The following TMEM163 variants were observed in gnomAD, a reference collection of about 807,000 sequenced individuals.
TMEM163 encodes the protein transmembrane protein 163.
A neutral mutation model predicts 29.3 loss-of-function variants in TMEM163; 17 were observed. The ratio of observed to expected loss-of-function variants is 0.58; its 90% CI spans 0.40 to 0.87. The LOEUF (loss-of-function observed/expected upper bound fraction) is 0.87, where lower values mean the gene tolerates loss of function less well. TMEM163 is among the 40% of genes least tolerant of loss of function. TMEM163 has a pLI of 0.00. For synonymous variants in TMEM163, 157 were observed against 160.6 expected (o/e 0.98, Z 0.17); for missense variants, 303 against 381.5 (o/e 0.79, Z 1.71).
chr2:134,560,789 T>A (rs964293941), intron 2 of TMEM163, among the ~76,000 whole-genome samples: 1 of 152,194 alleles, frequency 6.6e-6, no homozygotes. Context: ...AGACTAGCTC[T>A]GTTTCAGTTT....
chr2:134,505,239 CTTTTTTTTTTTT>C (rs78772358), intron 4 of TMEM163, among the ~76,000 whole-genome samples: 2 of 130,234 alleles, frequency 1.5e-5, no homozygotes, highest in Non-Finnish European at 3.2e-5. Context: ...TGGGGAATTC[CTTTTTTTTTTTT>C]TTTTTTTTTT....
intron 5 of TMEM163, among the ~76,000 whole-genome samples, chr2:134,502,474 A>T (rs2106487147): frequency 6.6e-6 from 1 of 152,344 alleles, no homozygotes; most frequent in South Asian, 2.1e-4. Flanking sequence ...ATTGTGCCAG[A>T]AAACCTAACA....
intron 4 of TMEM163, among the ~76,000 whole-genome samples, chr2:134,545,585 A>G (rs1324315276): frequency 6.6e-6 from 1 of 151,818 alleles, no homozygotes; most frequent in East Asian, 1.9e-4. Flanking sequence ...GCACTCACTG[A>G]CGACTCACTG....
At chr2:134,463,564 G>A (rs1231619402) in intron 6 of TMEM163, among the ~76,000 whole-genome samples, 1 of 152,196 alleles carries the variant, frequency 6.6e-6, no homozygotes, top group Non-Finnish European at 1.5e-5. Flanking sequence ...GGGTGACGGA[G>A]ACCCCAGAAG....
At chr2:134,542,273 C>G (rs1396671907) in intron 4 of TMEM163, among the ~76,000 whole-genome samples, 1 of 152,238 alleles carries the variant, frequency 6.6e-6, no homozygotes, top group South Asian at 2.1e-4. Context: ...CACTTGGCAG[C>G]TGTCGTGACC....
chr2:134,485,646 A>G (rs1049893223), intron 5 of TMEM163, among the ~76,000 whole-genome samples: 1 of 152,198 alleles, frequency 6.6e-6, no homozygotes, highest in Admixed American at 6.5e-5. Flanking sequence ...AGGCTCACCC[A>G]GATTATCAAG....
In TMEM163 at chr2:134,460,701, C is replaced by G. The variant is rs990445158; in HGVS notation, c.668-2528G>C. ...AGGCAAAAGCGTGAGGTTCCCCAGACAGCCACTAGATGTCTGCTCAGCTCC... is the reference window on the plus strand; with the variant it reads ...AGGCAAAAGCGTGAGGTTCCCCAGAGAGCCACTAGATGTCTGCTCAGCTCC... On this transcript the variant is annotated intron_variant, in intron 6 of 7. Coordinates refer to ENST00000281924, the MANE Select transcript of TMEM163 (RefSeq NM_030923.5). This position sits in a 1 kb window ranked among gnomAD's most constrained non-coding sequence, Gnocchi z 4.3. 6.6e-6 allele frequency among the ~76,000 whole-genome samples: 1 copy of G among 152,286 alleles called. No individual in the cohort carries two copies. The highest frequency in any genetic ancestry group is 3.4e-3 in the Middle Eastern group (1 of 294).
chr2:134,610,963 C>T (rs932044004), intron 2 of TMEM163, among the ~76,000 whole-genome samples: 1 of 152,030 alleles, frequency 6.6e-6, no homozygotes, highest in African/African-American at 2.4e-5. Flanking sequence ...TTTGAAGAGA[C>T]GGGTCAGCAG....
chr2:134,533,493 C>A (rs1341586095), intron 4 of TMEM163, among the ~76,000 whole-genome samples: 1 of 152,210 alleles, frequency 6.6e-6, no homozygotes, highest in Middle Eastern at 3.2e-3. Context: ...GGAAAACACT[C>A]ACTTTAACAT....
Position 134,620,057 on chromosome 2 carries a change from T to C in TMEM163, c.323-67966A>G, listed in dbSNP as rs558204217. Among the ~76,000 whole-genome samples, 26 of 152,290 alleles carry C rather than the reference T, an allele frequency of 1.7e-4. No individual in the cohort carries two copies. In the East Asian group the frequency reaches 4.8e-3, roughly 28 times the overall value. On this transcript the variant is annotated intron_variant, in intron 2 of 7. Coordinates refer to ENST00000281924, the MANE Select transcript of TMEM163 (RefSeq NM_030923.5). ...TAGAAGAGAAATTCTTTACATCCAGTAACATGGCAATAATCCCCAAACTGA... is the reference window on the plus strand; with the variant it reads ...TAGAAGAGAAATTCTTTACATCCAGCAACATGGCAATAATCCCCAAACTGA...
At chr2:134,531,734 G>T (rs532978575) in intron 4 of TMEM163, among the ~76,000 whole-genome samples, 1 of 152,324 alleles carries the variant, frequency 6.6e-6, no homozygotes, top group African/African-American at 2.4e-5. Flanking sequence ...CCCTCCACGT[G>T]TTCAGGTATC....
chr2:134,493,556 T>A (rs1180568107), intron 5 of TMEM163, among the ~76,000 whole-genome samples: 1 of 151,926 alleles, frequency 6.6e-6, no homozygotes, highest in Non-Finnish European at 1.5e-5. Flanking sequence ...TCATTTTTAG[T>A]AGAGACAGGG....
intron 2 of TMEM163, among the ~76,000 whole-genome samples, chr2:134,639,116 A>C (rs1264604316): frequency 6.6e-6 from 1 of 152,198 alleles, no homozygotes; most frequent in Non-Finnish European, 1.5e-5. Context: ...CTATCAACAC[A>C]ACCTGAAAAA....
intron 2 of TMEM163, among the ~76,000 whole-genome samples, chr2:134,612,711 G>A (rs534404041): frequency 6.6e-6 from 1 of 152,128 alleles, no homozygotes; most frequent in South Asian, 2.1e-4. Flanking sequence ...AGATGTTGCA[G>A]AATTCGTCCT....
intron 2 of TMEM163, among the ~76,000 whole-genome samples, chr2:134,709,628 C>T (rs1684885093): frequency 6.6e-6 from 1 of 152,114 alleles, no homozygotes; most frequent in South Asian, 2.1e-4. Context: ...AACTTGTAAA[C>T]CGCAAATAAA....
chr2:134,470,010 C>T (rs890977774), intron 5 of TMEM163: 2 of 152,398 alleles, frequency 1.3e-5, no homozygotes, highest in African/African-American at 4.8e-5. Flanking sequence ...TGCCACAAAC[C>T]CCTATTCTGC....
rs182919280 is a variant in TMEM163, at chr2:134,544,688, G to A, written c.458+5882C>T. 4.7e-3 allele frequency among the ~76,000 whole-genome samples: 718 copies of A among 152,216 alleles called. 4 individuals are homozygous for A. The highest frequency in any genetic ancestry group is 0.015 in the African/African-American group (641 of 41,530). ...CACATGCCTGTAATCCCAGCTGCTC[G>A]GGAGGCTGAGGCAGGAGAATTGCTT... is the stretch of plus-strand genomic sequence containing the variant. On this transcript the variant is annotated intron_variant, in intron 4 of 7. Coordinates refer to ENST00000281924, the MANE Select transcript of TMEM163 (RefSeq NM_030923.5).
chr2:134,644,581 T>A (rs1683293741), intron 2 of TMEM163, among the ~76,000 whole-genome samples: 2 of 152,174 alleles, frequency 1.3e-5, no homozygotes. Flanking sequence ...CACATCATAA[T>A]TAGTTGCAAC....
At chr2:134,597,665 A>G (rs1682118660) in intron 2 of TMEM163, among the ~76,000 whole-genome samples, 1 of 152,122 alleles carries the variant, frequency 6.6e-6, no homozygotes, top group South Asian at 2.1e-4. Flanking sequence ...TTTTCTATTG[A>G]TTGGAATAGT....
Sources: gnomAD v4.1 joint callset for allele counts (sites outside exome capture counted in the v4.1 genomes callset) on GRCh38, gnomAD v4.1.1 for gene constraint, Gnocchi (gnomAD v3.1) non-coding constraint, MANE v1.5 for transcripts, NCBI Gene and HGNC (gene_info 2026-07-23, HGNC 2026-07-21) for gene names.